Variants in STAG2 observed in about 807,000 individuals in gnomAD.
The protein encoded by STAG2 is STAG2 cohesin complex component.
A neutral mutation model predicts 108.1 loss-of-function variants in STAG2; 14 were observed. The ratio of observed to expected loss-of-function variants is 0.13; its 90% CI spans 0.09 to 0.20. STAG2 has a LOEUF of 0.20. STAG2 is among the 10% of genes least tolerant of loss of function. The probability of loss-of-function intolerance (pLI) is 1.00; values close to 1 mark genes in which losing one functional copy is unlikely to be tolerated. For synonymous variants in STAG2, 307 were observed against 302.7 expected (o/e 1.01, Z -0.15); for missense variants, 440 against 940.9 (o/e 0.47, Z 6.96).
chrX:124,039,341 A>AT (rs1018061904), intron 6 of STAG2, among the ~76,000 whole-genome samples: 4 of 108,515 alleles, frequency 3.7e-5, no homozygotes, highest in African/African-American at 1.3e-4. Flanking sequence ...TTCTGTTTTT[A>AT]TTTTTTGTGG....
chrX:124,052,576 C>G (rs1375710511), intron 13 of STAG2, among the ~76,000 whole-genome samples: 1 of 111,653 alleles, frequency 9.0e-6, no homozygotes, highest in Non-Finnish European at 1.9e-5. Context: ...CATTGATGGA[C>G]ATTTGGACTG....
intron 17 of STAG2, 152 bp downstream of exon 17, chrX:124,062,026 T>A: frequency 2.2e-6 from 1 of 462,309 alleles, no homozygotes; most frequent in Non-Finnish European, 3.6e-6. Context: ...TTTAAAGCAT[T>A]AGCAATTTGA....
At chrX:124,010,371 A>G (rs971261964) in intron 1 of STAG2, among the ~76,000 whole-genome samples, 8 of 111,625 alleles carry the variant, frequency 7.2e-5, no homozygotes, top group Non-Finnish European at 1.3e-4. Context: ...AAGTTGAATC[A>G]TATGGTATTT....
chrX:124,090,774 T>C lies in STAG2; in HGVS notation c.3467+10T>C, dbSNP rs1455054393. The C allele has an allele frequency of 8.3e-7, 1 of 1,205,317 alleles. No individual in the cohort carries two copies. Among genetic ancestry groups the C allele is most frequent in the Non-Finnish European group, 1.1e-6 (1 of 890,385 alleles). ...CACCTCTTGATTATAAGTAAGTACATTTGATCATTTTCTGTACTATAACTT... is the reference window on the plus strand; with the variant it reads ...CACCTCTTGATTATAAGTAAGTACACTTGATCATTTTCTGTACTATAACTT... On this transcript the variant is annotated intron_variant, in intron 31 of 34. Transcript: ENST00000371145.
chrX:124,054,073 C>T (rs1245277940), intron 13 of STAG2, among the ~76,000 whole-genome samples: 1 of 111,880 alleles, frequency 8.9e-6, no homozygotes, highest in East Asian at 2.8e-4. Flanking sequence ...ACGTAACAGG[C>T]CCTTTTACAT....
In STAG2 at chrX:124,099,265, A is replaced by G. The variant is rs369861019; in HGVS notation, c.3784-1309A>G. On this transcript the variant is annotated intron_variant, in intron 34 of 34. Transcript: ENST00000371145. ...AAGAACTTGAGTTCGTCTTCATCCC[A>G]TACTCAATACTAAATTGCTAATTAA... Among the ~76,000 whole-genome samples, 5 of 111,997 alleles carry G rather than the reference A, an allele frequency of 4.5e-5. 1 individual carries two copies. Among genetic ancestry groups the G allele is most frequent in the African/African-American group, 1.6e-4 (5 of 30,945 alleles).
intron 1 of STAG2, among the ~76,000 whole-genome samples, chrX:123,991,974 ATTTT>A (rs2055504819): frequency 8.9e-6 from 1 of 112,874 alleles, no homozygotes; most frequent in Non-Finnish European, 1.9e-5. Flanking sequence ...CACAACAACT[ATTTT>A]CATAGCACTT....
At chrX:124,017,039 T>G (rs1420095713) in intron 1 of STAG2, among the ~76,000 whole-genome samples, 1 of 110,381 alleles carries the variant, frequency 9.1e-6, no homozygotes, top group Non-Finnish European at 1.9e-5. Context: ...CAGTTGAATA[T>G]TTCTGCATTT....
At chrX:124,010,517 A>G (rs1411825345) in intron 1 of STAG2, among the ~76,000 whole-genome samples, 1 of 111,339 alleles carries the variant, frequency 9.0e-6, no homozygotes, top group Non-Finnish European at 1.9e-5. Context: ...TTGTTTATCC[A>G]TATCTGTTCT....
chrX:124,087,600 C>T lies in STAG2; in HGVS notation c.3277+830C>T, dbSNP rs147089008. Reference sequence around the variant, plus strand: ...GTGACTTCTCCATGTCAGCATAACACTAGGCTCCAAGAGCAAGTGTCCCGA... The same window carrying T: ...GTGACTTCTCCATGTCAGCATAACATTAGGCTCCAAGAGCAAGTGTCCCGA... On this transcript the variant is annotated intron_variant, in intron 30 of 34. Transcript: ENST00000371145. 3.1e-3 allele frequency among the ~76,000 whole-genome samples: 351 copies of T among 111,899 alleles called. 1 individual carries two copies. The highest frequency in any genetic ancestry group is 0.014 in the Middle Eastern group (3 of 216).
At chrX:124,057,764 C>T (rs2058248404) in intron 14 of STAG2, 102 bp from the exon 15 acceptor site, 2 of 475,422 alleles carry the variant, frequency 4.2e-6, no homozygotes, top group Non-Finnish European at 6.6e-6. Context: ...CTCCTTTACT[C>T]CTTTGTTAGA....
rs1491442013 is a variant in STAG2, at chrX:124,009,426, GGT to G, written c.-162-11940_-162-11939del. On this transcript the variant is annotated intron_variant, in intron 1 of 34. Coordinates refer to ENST00000371145, the MANE Select transcript of STAG2 (RefSeq NM_001042750.2). ...AGGTAGGTAGGTAGGTAGGTAGGTA[GGT>G]AGGTAGGTAGGTAGGTAGATAGATA... is the stretch of plus-strand genomic sequence containing the variant. Among the ~76,000 whole-genome samples, 788 of 87,080 alleles carry G rather than the reference GGT, an allele frequency of 9.0e-3. 3 individuals carry two copies. The highest frequency in any genetic ancestry group is 0.018 in the African/African-American group (477 of 26,361). 75.6% of individuals were successfully genotyped at this position (87,080 alleles called of 115,157 possible). A position where few individuals can be genotyped will look rare whatever the true frequency, so the allele number is the denominator to read the frequency against.
chrX:124,043,621 A>G (rs773153968), intron 7 of STAG2, among the ~76,000 whole-genome samples: 7 of 112,120 alleles, frequency 6.2e-5, no homozygotes, highest in African/African-American at 2.3e-4. Flanking sequence ...TGAAAATGTC[A>G]AGGAAAAGTA....
rs192539200 is a variant in STAG2, at chrX:124,033,545, T to A, written c.288+2420T>A. On this transcript the variant is annotated intron_variant, in intron 5 of 34. Coordinates refer to ENST00000371145, the MANE Select transcript of STAG2 (RefSeq NM_001042750.2). Reference sequence around the variant, plus strand: ...GGGAGGCCAAGGTAGGTGGATCGCCTGAGGTCAGGAGTTGGAGACCAGCCT... The same window carrying A: ...GGGAGGCCAAGGTAGGTGGATCGCCAGAGGTCAGGAGTTGGAGACCAGCCT... Among the ~76,000 whole-genome samples, 391 of 111,662 alleles carry A rather than the reference T, an allele frequency of 3.5e-3. 1 individual carries two copies. Among genetic ancestry groups the A allele is most frequent in the African/African-American group, 0.012 (363 of 30,718 alleles).
chrX:124,029,117 C>T (rs12844049), intron 4 of STAG2, among the ~76,000 whole-genome samples: 3,477 of 104,335 alleles, frequency 0.033, 58 homozygotes, highest in Non-Finnish European at 0.048. Flanking sequence ...TCTGGGTTCA[C>T]GCCATTCTCC....
At chrX:124,098,663 G>A (rs886355434) in intron 34 of STAG2, among the ~76,000 whole-genome samples, 1 of 111,455 alleles carries the variant, frequency 9.0e-6, no homozygotes, top group Non-Finnish European at 1.9e-5. Context: ...TAAATAAATT[G>A]TAAAAATATC....
At chrX:124,061,748 T>A in intron 16 of STAG2, 23 bp from the exon 17 acceptor site, 1 of 700,675 alleles carries the variant, frequency 1.4e-6, no homozygotes, top group Non-Finnish European at 1.9e-6. Flanking sequence ...TCTGACTTTT[T>A]TTTTTTTTTT....
chrX:124,009,603 G>A (rs1264694626), intron 1 of STAG2, among the ~76,000 whole-genome samples: 2 of 111,141 alleles, frequency 1.8e-5, no homozygotes, highest in Non-Finnish European at 3.8e-5. Context: ...TATGCTAACC[G>A]TTGGATGCAG....
intron 25 of STAG2, among the ~76,000 whole-genome samples, chrX:124,072,904 C>CTTTTTTTTTTTT (rs779996801): frequency 7.2e-4 from 52 of 72,668 alleles, no homozygotes; most frequent in Non-Finnish European, 9.9e-4. Flanking sequence ...TTCTTTCTTT[C>CTTTTTTTTTTTT]TTTTTTTTTT....
Sources: gnomAD v4.1 joint callset for allele counts (sites outside exome capture counted in the v4.1 genomes callset) on GRCh38, gnomAD v4.1.1 for gene constraint, MANE v1.5 for transcripts, NCBI Gene and HGNC (gene_info 2026-07-23, HGNC 2026-07-21) for gene names.